The following EYS variants were observed in gnomAD, a reference collection of about 807,000 sequenced individuals.
EYS encodes the protein protein eyes shut homolog.
In EYS, 250 loss-of-function variants were observed where a neutral mutation model predicts 282.1. That is an observed-to-expected ratio of 0.89 (90% CI 0.80 to 0.98). The LOEUF (loss-of-function observed/expected upper bound fraction) is 0.98, where lower values mean the gene tolerates loss of function less well. Ranked by LOEUF, EYS falls within the 50% of genes least tolerant of loss-of-function variation. The pLI is 0.00. For missense variants in EYS, 4,016 were observed against 3,709.0 expected (o/e 1.08, Z -2.15); for synonymous variants, 1,355 against 1,282.9 (o/e 1.06, Z -1.20).
chr6:65,481,996 A>C (rs1171777675), intron 5 of EYS, among the ~76,000 whole-genome samples: 1 of 152,202 alleles, frequency 6.6e-6, no homozygotes, highest in African/African-American at 2.4e-5. Context: ...TCAGTTCTTT[A>C]TCTGGATGGA....
intron 36 of EYS, among the ~76,000 whole-genome samples, chr6:63,824,184 G>A (rs1209123504): frequency 6.6e-6 from 1 of 152,158 alleles, no homozygotes; most frequent in Non-Finnish European, 1.5e-5. Flanking sequence ...ATCATTGAGG[G>A]ACATAAAGTA....
chr6:64,997,425 A>T (rs1771303421), intron 14 of EYS, among the ~76,000 whole-genome samples, 157 bp downstream of exon 14: 1 of 152,200 alleles, frequency 6.6e-6, no homozygotes, highest in African/African-American at 2.4e-5. Flanking sequence ...GTTAAAAAAA[A>T]AAAGTTGCTT....
At chr6:64,559,657 T>C (rs62415795) in intron 26 of EYS, among the ~76,000 whole-genome samples, 20,011 of 152,114 alleles carry the variant, frequency 0.13, 1,383 homozygotes, top group East Asian at 0.27. Flanking sequence ...ACAGTAATAT[T>C]GATTCTTTGT....
intron 12 of EYS, among the ~76,000 whole-genome samples, chr6:65,059,694 G>A (rs1213730075): frequency 1.3e-5 from 2 of 152,014 alleles, no homozygotes; most frequent in African/African-American, 2.4e-5. Context: ...AACTTCTGTG[G>A]TTAGATCATT....
chr6:63,855,843 C>G (rs1772376505), intron 36 of EYS, among the ~76,000 whole-genome samples: 1 of 152,088 alleles, frequency 6.6e-6, no homozygotes, highest in Non-Finnish European at 1.5e-5. Flanking sequence ...TTACTTTATC[C>G]TAAGGAAAAT....
Position 63,760,648 on chromosome 6 carries a change from A to ATATCTATC in EYS, c.8071+1805_8071+1812dup, listed in dbSNP as rs36182718. Among the ~76,000 whole-genome samples the ATATCTATC allele has an allele frequency of 8.6e-3, 1,262 of 145,996 alleles. 7 individuals carry two copies. Among genetic ancestry groups the ATATCTATC allele is most frequent in the East Asian group, 0.011 (52 of 4,888 alleles). On this transcript the variant is annotated intron_variant, in intron 41 of 42. Coordinates refer to ENST00000503581, the MANE Select transcript of EYS (RefSeq NM_001142800.2). ...TATGTACATATGTATGTATGTATGT[A>ATATCTATC]TATCTATCTATCTATCTATCTATCT...
intron 5 of EYS, among the ~76,000 whole-genome samples, chr6:65,459,968 TTA>T (rs34762215): frequency 0.089 from 7,171 of 80,270 alleles, 194 homozygotes; most frequent in South Asian, 0.16. Flanking sequence ...TTTGTGTATT[TTA>T]TATATATATA....
At position 65,390,569 on chromosome 6, in the gene EYS, A is replaced by C. The variant is rs1225990414; in HGVS notation, c.1185-6069T>G. Among the ~76,000 whole-genome samples the C allele has an allele frequency of 6.0e-5, 9 of 148,820 alleles. No individual in the cohort carries two copies. In the East Asian group the frequency reaches 1.6e-3, roughly 26 times the overall value. ...AAAACTGTCCTCAGGTTTCAGTGAGAAAAAAAAAAGAAAGTGTAGAAAAAA... is the reference window on the plus strand; with the variant it reads ...AAAACTGTCCTCAGGTTTCAGTGAGCAAAAAAAAAGAAAGTGTAGAAAAAA... On this transcript the variant is annotated intron_variant, in intron 7 of 42. Transcript: ENST00000503581.
chr6:64,818,152 T>C (rs551564149), intron 21 of EYS, among the ~76,000 whole-genome samples: 1 of 152,302 alleles, frequency 6.6e-6, no homozygotes, highest in East Asian at 1.9e-4. Context: ...ATACATGCCA[T>C]CCTCCTAAGT....
intron 2 of EYS, among the ~76,000 whole-genome samples, chr6:65,638,024 A>G (rs1370939538): frequency 5.3e-5 from 8 of 152,188 alleles, no homozygotes; most frequent in Non-Finnish European, 1.2e-4. Flanking sequence ...GCTGGAGTCC[A>G]CTACCCAGAG....
chr6:63,832,340 A>T (rs560013562), intron 36 of EYS, among the ~76,000 whole-genome samples: 1 of 152,300 alleles, frequency 6.6e-6, no homozygotes, highest in Admixed American at 6.5e-5. Context: ...AAAGAAGAAA[A>T]GAGAGAAGAA....
At chr6:65,301,822 T>C (rs1364239947) in intron 11 of EYS, among the ~76,000 whole-genome samples, 1 of 152,270 alleles carries the variant, frequency 6.6e-6, no homozygotes, top group Non-Finnish European at 1.5e-5. Flanking sequence ...AGGCCTATAC[T>C]GTTGACATCT....
chr6:64,603,811 T>C (rs1766836275), intron 24 of EYS, among the ~76,000 whole-genome samples: 1 of 150,548 alleles, frequency 6.6e-6, no homozygotes, highest in Non-Finnish European at 1.5e-5. Flanking sequence ...ACAGATCACA[T>C]GAATTATCCC....
chr6:64,801,046 T>G (rs1390517402), intron 22 of EYS, among the ~76,000 whole-genome samples: 1 of 152,068 alleles, frequency 6.6e-6, no homozygotes, highest in Non-Finnish European at 1.5e-5. Context: ...CATTGTTTCT[T>G]TTAACTAATT....
In EYS at chr6:65,133,087, A is replaced by T. The variant is rs774072300; in HGVS notation, c.2024-75360T>A. Among the ~76,000 whole-genome samples, 38 of 152,160 alleles carry T rather than the reference A, an allele frequency of 2.5e-4. No individual in the cohort carries two copies. The Middle Eastern group carries it at 0.01, about 41-fold the overall frequency. On this transcript the variant is annotated intron_variant, in intron 12 of 42. Transcript: ENST00000503581. ...GATGAAACAAATGGGAAAACATTTC[A>T]TTCTTATTGGTAGGAAGAATCAATA...
rs76148513 is a variant in EYS at position 65,334,919 on chromosome 6, T to C, written c.1766+61A>G. 93,230 of 1,482,856 alleles carry C rather than the reference T, an allele frequency of 0.063. 3,373 individuals carry two copies. Among genetic ancestry groups the C allele is most frequent in the Middle Eastern group, 0.095 (481 of 5,082 alleles). 91.9% of individuals were successfully genotyped at this position (1,482,856 alleles called of 1,614,324 possible). A position where few individuals can be genotyped will look rare whatever the true frequency, so the allele number is the denominator to read the frequency against. On this transcript the variant is annotated intron_variant, in intron 11 of 42. Coordinates refer to ENST00000503581, the MANE Select transcript of EYS (RefSeq NM_001142800.2). ...TGTTACCATGAAACAGTTCGATGACTATCAATTTAATTATAACTTTTTGAT... is the reference window on the plus strand; with the variant it reads ...TGTTACCATGAAACAGTTCGATGACCATCAATTTAATTATAACTTTTTGAT...
chr6:65,515,564 G>A (rs1435303738), intron 2 of EYS, among the ~76,000 whole-genome samples: 1 of 151,860 alleles, frequency 6.6e-6, no homozygotes, highest in Admixed American at 6.6e-5. Context: ...ATGATAGACT[G>A]GATTAAGAAA....
chr6:64,264,243 C>G (rs985071411), intron 30 of EYS, among the ~76,000 whole-genome samples: 20 of 152,086 alleles, frequency 1.3e-4, no homozygotes, highest in Admixed American at 8.5e-4. Flanking sequence ...TCCAAAACAC[C>G]ACACTTTTAC....
intron 1 of EYS, among the ~76,000 whole-genome samples, chr6:65,691,372 A>C (rs1769236064): frequency 6.7e-6 from 1 of 150,304 alleles, no homozygotes; most frequent in Admixed American, 6.7e-5. Context: ...TGGCCGCATA[A>C]ATATCTTCTT....
Sources: gnomAD v4.1 joint callset for allele counts (sites outside exome capture counted in the v4.1 genomes callset) on GRCh38, gnomAD v4.1.1 for gene constraint, MANE v1.5 for transcripts, NCBI Gene and HGNC (gene_info 2026-07-23, HGNC 2026-07-21) for gene names.